SNRPG: variants seen among roughly 807,000 people sequenced by gnomAD.
SNRPG encodes the protein small nuclear ribonucleoprotein polypeptide G.
Under a neutral mutation model 13.9 loss-of-function variants are expected in SNRPG, and 3 were observed. The observed-to-expected ratio is 0.22, with a 90% CI of 0.10 to 0.56. The LOEUF (loss-of-function observed/expected upper bound fraction) is 0.56, where lower values mean the gene tolerates loss of function less well. Ranked by LOEUF, SNRPG falls within the 20% of genes least tolerant of loss-of-function variation. The pLI is 0.93. For missense variants in SNRPG, 34 were observed against 96.1 expected (o/e 0.35, Z 2.70); for synonymous variants, 29 against 29.3 (o/e 0.99, Z 0.03).
chr2:70,293,342 G>A (rs1160590301), intron 1 of SNRPG: 2 of 637,080 alleles, frequency 3.1e-6, no homozygotes, highest in Non-Finnish European at 2.8e-6. Flanking sequence ...AGGAACGAGG[G>A]ACAGCGCCGG....
At chr2:70,287,298 C>G (rs1282766428) in intron 3 of SNRPG, 2 of 702,528 alleles carry the variant, frequency 2.8e-6, no homozygotes. Context: ...TAATAATTTG[C>G]TAAAAGTAAG....
At position 70,281,603 on chromosome 2, in the gene SNRPG, G is replaced by A. The variant is rs763564874; in HGVS notation, c.*31C>T. The A allele has an allele frequency of 5.1e-6, 7 of 1,371,498 alleles. No individual in the cohort carries two copies. The South Asian group carries it at 6.2e-5, about 12-fold the overall frequency. 85.0% of individuals were successfully genotyped at this position (1,371,498 alleles called of 1,614,324 possible). ...AGTAAAACAGGCCCTATGGAGAGAGGACATGGGTTTCTCTGCTGAACAGCC... is the reference window on the plus strand; with the variant it reads ...AGTAAAACAGGCCCTATGGAGAGAGAACATGGGTTTCTCTGCTGAACAGCC... On this transcript the variant is annotated 3_prime_UTR_variant, in exon 4 of 4. Transcript: ENST00000272348.
At chr2:70,290,144 G>A (rs764455312) in intron 1 of SNRPG, among the ~76,000 whole-genome samples, 11 of 151,586 alleles carry the variant, frequency 7.3e-5, no homozygotes, top group Non-Finnish European at 1.5e-4. Flanking sequence ...ACCACATCTG[G>A]TCTCATTGAC....
intron 1 of SNRPG, among the ~76,000 whole-genome samples, chr2:70,290,007 T>C (rs1697042649): frequency 6.7e-6 from 1 of 150,072 alleles, no homozygotes; most frequent in Non-Finnish European, 1.5e-5. Flanking sequence ...TTTCTTTCTT[T>C]TTTTTTTTTT....
intron 2 of SNRPG, 24 bp downstream of exon 2, chr2:70,289,326 A>C (rs75283365): frequency 0.052 from 70,890 of 1,365,434 alleles, 2,181 homozygotes; most frequent in Non-Finnish European, 0.063. Context: ...ATTAAAAAAA[A>C]CCCCAAAACA....
At chr2:70,287,263 AC>A (rs1366849331) in intron 3 of SNRPG, 4 of 699,388 alleles carry the variant, frequency 5.7e-6, no homozygotes, top group African/African-American at 3.5e-5. Context: ...AGCAACTCTT[AC>A]CACTCCTTGG....
At chr2:70,292,709 GAACT>G (rs150788259) in intron 1 of SNRPG, 5,487 of 163,326 alleles carry the variant, frequency 0.034, 300 homozygotes, top group African/African-American at 0.12. Flanking sequence ...GGTAATAAAT[GAACT>G]AACTATACAC....
chr2:70,293,369 C>A lies in SNRPG; in HGVS notation c.32+249G>T, dbSNP rs1045040803. 8 of 629,666 alleles carry A rather than the reference C, an allele frequency of 1.3e-5. No individual in the cohort carries two copies. The African/African-American group carries it at 1.5e-4, about 11-fold the overall frequency. The allele number at this position is 629,666 out of a possible 1,614,324, so 39.0% of individuals were successfully genotyped here. A position where few individuals can be genotyped will look rare whatever the true frequency, so the allele number is the denominator to read the frequency against. On this transcript the variant is annotated intron_variant, in intron 1 of 3. Transcript: ENST00000272348. ...CAGCGCCGGGTGACCAGGGGCCAGA[C>A]CGCGGGACCTGGAGACTAGTCGGCC...
chr2:70,283,173 A>C (rs1696857015), intron 3 of SNRPG, among the ~76,000 whole-genome samples: 1 of 151,242 alleles, frequency 6.6e-6, no homozygotes, highest in Non-Finnish European at 1.5e-5. Context: ...ATCAGAGTAT[A>C]GATGAATCAG....
chr2:70,282,718 A>C (rs1219977626), intron 3 of SNRPG, among the ~76,000 whole-genome samples: 8 of 152,136 alleles, frequency 5.3e-5, no homozygotes, highest in African/African-American at 1.4e-4. Context: ...ATAGGACAGA[A>C]CCTAGAGGCA....
At chr2:70,284,714 T>G (rs1696897625) in intron 3 of SNRPG, among the ~76,000 whole-genome samples, 1 of 152,216 alleles carries the variant, frequency 6.6e-6, no homozygotes. Flanking sequence ...CTCAATTTTT[T>G]TTTTGGCAAC....
chr2:70,293,651 G>A lies in SNRPG; in HGVS notation c.-2C>T, dbSNP rs775954821. ...CTCGGGAGGGTGAGCTTTGCTCATG[G>A]TGTATACTCCGCGGGCTCACAGATG... On this transcript the variant is annotated 5_prime_UTR_variant, in exon 1 of 4. Transcript: ENST00000272348. The A allele has an allele frequency of 3.7e-6, 6 of 1,614,034 alleles. No individual in the cohort carries two copies. In the South Asian group the frequency reaches 5.5e-5, roughly 15 times the overall value.
chr2:70,286,736 A>G (rs1234458189), intron 3 of SNRPG, among the ~76,000 whole-genome samples: 5 of 152,230 alleles, frequency 3.3e-5, no homozygotes, highest in East Asian at 1.9e-4. Context: ...TAAAATTCCA[A>G]TGAGCAGTGT....
intron 3 of SNRPG, chr2:70,287,277 G>A (rs1328235223): frequency 7.1e-6 from 5 of 702,124 alleles, no homozygotes; most frequent in African/African-American, 3.5e-5. Context: ...CTCCTTGGAG[G>A]TCTTTATGCT....
At chr2:70,289,183 G>T (rs908583579) in intron 2 of SNRPG, among the ~76,000 whole-genome samples, 167 bp downstream of exon 2, 1 of 152,100 alleles carries the variant, frequency 6.6e-6, no homozygotes, top group Non-Finnish European at 1.5e-5. Flanking sequence ...TTGATCTCCT[G>T]ATCTCACGAT....
chr2:70,285,581 C>T (rs1045714368), intron 3 of SNRPG, among the ~76,000 whole-genome samples: 7 of 151,926 alleles, frequency 4.6e-5, no homozygotes, highest in Non-Finnish European at 1.0e-4. Flanking sequence ...TACACACGCG[C>T]GTGCACACAC....
chr2:70,292,970 G>A (rs374430725), intron 1 of SNRPG: 4 of 591,750 alleles, frequency 6.8e-6, no homozygotes, highest in East Asian at 5.5e-5. Context: ...TGGGTGTGTA[G>A]AAAAAACTTC....
intron 1 of SNRPG, among the ~76,000 whole-genome samples, chr2:70,291,844 T>A (rs994591967): frequency 6.7e-6 from 1 of 150,058 alleles, no homozygotes; most frequent in African/African-American, 2.5e-5. Context: ...AAAAAAAAAA[T>A]CACCATTTCA....
chr2:70,291,033 A>G (rs895934922), intron 1 of SNRPG, among the ~76,000 whole-genome samples: 1 of 132,326 alleles, frequency 7.6e-6, no homozygotes, highest in African/African-American at 2.6e-5. Context: ...ACACACACAC[A>G]CACACACACA....
Sources: gnomAD v4.1 joint callset for allele counts (sites outside exome capture counted in the v4.1 genomes callset) on GRCh38, gnomAD v4.1.1 for gene constraint, MANE v1.5 for transcripts, NCBI Gene and HGNC (gene_info 2026-07-23, HGNC 2026-07-21) for gene names.